Variants in RPA1 observed in about 807,000 individuals in gnomAD.
The protein encoded by RPA1 is replication protein A 70 kDa DNA-binding subunit.
A neutral mutation model predicts 83.0 loss-of-function variants in RPA1; 49 were observed. That is an observed-to-expected ratio of 0.59 (90% CI 0.47 to 0.75). The LOEUF (loss-of-function observed/expected upper bound fraction) is 0.75, where lower values mean the gene tolerates loss of function less well. Among genes scored for constraint, RPA1 ranks in the 30% least tolerant of loss-of-function variants. RPA1 has a pLI of 0.00. For missense variants in RPA1, 693 were observed against 776.1 expected, an observed-to-expected ratio of 0.89 and a Z score of 1.27; for synonymous variants, 279 against 281.8, an observed-to-expected ratio of 0.99 and a Z score of 0.10.
intron 13 of RPA1, among the ~76,000 whole-genome samples, chr17:1,888,269 G>T (rs989375102): frequency 3.9e-5 from 6 of 152,192 alleles, no homozygotes; most frequent in Non-Finnish European, 8.8e-5. Context: ...TTGCTGCACT[G>T]GGTGTTTGTG....
intron 8 of RPA1, 34 bp from the exon 9 acceptor site, chr17:1,878,959 C>T (rs377629138): frequency 7.4e-6 from 12 of 1,611,852 alleles, no homozygotes; most frequent in African/African-American, 1.3e-5. Context: ...TGTGTTCAAT[C>T]CCGCAGCCCT....
At chr17:1,832,939 T>C (rs979378454) in intron 1 of RPA1, among the ~76,000 whole-genome samples, 1 of 151,684 alleles carries the variant, frequency 6.6e-6, no homozygotes, top group African/African-American at 2.4e-5. Flanking sequence ...TTTGTTTGTT[T>C]GTTTTGAGAC....
At chr17:1,878,920 C>T in intron 8 of RPA1, 73 bp from the exon 9 acceptor site, 1 of 1,464,238 alleles carries the variant, frequency 6.8e-7, no homozygotes, top group Non-Finnish European at 9.6e-7. Context: ...TGTGTTCTAT[C>T]CCAGTGTCAC....
At chr17:1,836,104 C>A (rs540220999) in intron 1 of RPA1, among the ~76,000 whole-genome samples, 1 of 136,978 alleles carries the variant, frequency 7.3e-6, no homozygotes, top group African/African-American at 2.5e-5. Context: ...TAGTAAATTG[C>A]ACCTTTTTTA....
Position 1,879,660 on chromosome 17 carries a change from A to G in RPA1, c.1053A>G (p.Thr351=). ...AGAGGAATATCTACTTGATGGACACATCCGGGAAGGTGGTGACTGCTACAC... is the reference window on the plus strand; with the variant it reads ...AGAGGAATATCTACTTGATGGACACGTCCGGGAAGGTGGTGACTGCTACAC... ...VAKRNIYLMD[T]SGKVVTATLW... The change falls in exon 11 of 17, where the codon ACA becomes ACG. Residue 351 remains threonine, a synonymous_variant. Coordinates refer to ENST00000254719, the MANE Select transcript of RPA1 (RefSeq NM_002945.5). The G allele has an allele frequency of 6.2e-7, 1 of 1,614,246 alleles. No homozygotes were observed. Among genetic ancestry groups the G allele is most frequent in the Non-Finnish European group, 8.5e-7 (1 of 1,180,040 alleles).
At chr17:1,875,547 T>G (rs528172461) in intron 6 of RPA1, 114 bp from the exon 7 acceptor site, 73 of 1,119,000 alleles carry the variant, frequency 6.5e-5, no homozygotes, top group Non-Finnish European at 8.8e-5. Context: ...TTGCCTCTCA[T>G]GTTATATGAT....
intron 5 of RPA1, among the ~76,000 whole-genome samples, chr17:1,859,873 C>T (rs1009339062): frequency 1.3e-4 from 20 of 152,156 alleles, no homozygotes; most frequent in East Asian, 3.8e-4. Context: ...AGTGCAGTGG[C>T]GTGATCTCGG....
chr17:1,887,725 T>TA (rs1005556218), intron 13 of RPA1, among the ~76,000 whole-genome samples: 1 of 148,704 alleles, frequency 6.7e-6, no homozygotes, highest in Non-Finnish European at 1.5e-5. Flanking sequence ...CCATCTCTAC[T>TA]AAAAAATACA....
In RPA1 at chr17:1,897,190, A is replaced by G. The variant is rs572705607; in HGVS notation, c.*15A>G. The G allele has an allele frequency of 4.6e-6, 7 of 1,536,364 alleles. No individual in the cohort carries two copies. The highest frequency in any genetic ancestry group is 1.4e-5 in the African/African-American group (1 of 72,740). The stretch of plus-strand genomic sequence containing the variant: ...CATTGATGTGAGAGGAGCAGTGCCA[A>G]TCGGGCAGAAGTTTGCAAATAGGCA... On this transcript the variant is annotated 3_prime_UTR_variant, in exon 17 of 17. Transcript: ENST00000254719.
intron 5 of RPA1, among the ~76,000 whole-genome samples, chr17:1,863,011 C>G (rs35280929): frequency 0.37 from 56,134 of 151,202 alleles, 12,724 homozygotes; most frequent in Non-Finnish European, 0.53. Context: ...AGCCACCGTG[C>G]CCGGCCAAGA....
In RPA1 at chr17:1,844,144, A is replaced by T. The variant is rs2151271466; in HGVS notation, c.163+146A>T. 3 of 651,008 alleles carry T rather than the reference A, an allele frequency of 4.6e-6. No homozygotes were observed. In the South Asian group the frequency reaches 5.8e-5, roughly 13 times the overall value. 40.3% of individuals were successfully genotyped at this position (651,008 alleles called of 1,614,324 possible). On this transcript the variant is annotated intron_variant, in intron 3 of 16. Transcript: ENST00000254719. ...TCATTCAGACAGAATTGCAGCTGTC[A>T]GAGAGCATTCTAACAATAGACTGGA...
At chr17:1,839,163 C>T (rs1911943271) in intron 1 of RPA1, among the ~76,000 whole-genome samples, 1 of 151,400 alleles carries the variant, frequency 6.6e-6, no homozygotes. Flanking sequence ...GCCCCTTAGT[C>T]ACTTTATATA....
At chr17:1,848,637 T>A (rs1175870762) in intron 4 of RPA1, among the ~76,000 whole-genome samples, 1 of 136,186 alleles carries the variant, frequency 7.3e-6, no homozygotes, top group African/African-American at 2.7e-5. Flanking sequence ...CCATCTCGGC[T>A]CACTACAACC....
chr17:1,888,627 T>TG (rs1914084046), intron 13 of RPA1, 48 bp from the exon 14 acceptor site: 1 of 1,569,818 alleles, frequency 6.4e-7, no homozygotes, highest in South Asian at 1.2e-5. Flanking sequence ...GGTCCGATCC[T>TG]GGGCGGGCTC....
intron 16 of RPA1, among the ~76,000 whole-genome samples, chr17:1,896,543 A>G (rs1204667540): frequency 6.6e-6 from 1 of 150,716 alleles, no homozygotes; most frequent in East Asian, 1.9e-4. Context: ...GCTGGGGGGG[A>G]TTTTTGGGGC....
In RPA1 at chr17:1,830,081, T is replaced by C; in HGVS notation, c.-13T>C. Reference sequence around the variant, plus strand: ...TGTTGCGGGGTCCGCGGGGAAGTCTTGGCGGTGGAGCCATGGTCGGCCAAC... The same window carrying C: ...TGTTGCGGGGTCCGCGGGGAAGTCTCGGCGGTGGAGCCATGGTCGGCCAAC... On this transcript the variant is annotated 5_prime_UTR_variant, in exon 1 of 17. Coordinates refer to ENST00000254719, the MANE Select transcript of RPA1 (RefSeq NM_002945.5). The C allele has an allele frequency of 8.0e-7, 1 of 1,250,054 alleles. No individual in the cohort carries two copies. Among genetic ancestry groups the C allele is most frequent in the South Asian group, 4.1e-5 (1 of 24,494 alleles). The allele number at this position is 1,250,054 out of a possible 1,614,324, so 77.4% of individuals were successfully genotyped here.
At chr17:1,846,087 G>T (rs1401092349) in intron 4 of RPA1, among the ~76,000 whole-genome samples, 2 of 152,160 alleles carry the variant, frequency 1.3e-5, no homozygotes, top group Admixed American at 6.5e-5. Flanking sequence ...TTATCTCTGT[G>T]TTGGTTGGAT....
At chr17:1,858,708 G>T (rs1430710392) in intron 5 of RPA1, among the ~76,000 whole-genome samples, 2 of 151,650 alleles carry the variant, frequency 1.3e-5, no homozygotes, top group Non-Finnish European at 2.9e-5. Flanking sequence ...CAAGTGATCT[G>T]CGTGCCTCAG....
intron 1 of RPA1, among the ~76,000 whole-genome samples, chr17:1,834,047 G>C (rs2033104978): frequency 6.6e-6 from 1 of 152,126 alleles, no homozygotes; most frequent in South Asian, 2.1e-4. Context: ...GGGTGTGTTG[G>C]CGTGTGCCTG....
Sources: gnomAD v4.1 joint callset for allele counts (sites outside exome capture counted in the v4.1 genomes callset) on GRCh38, gnomAD v4.1.1 for gene constraint, MANE v1.5 for transcripts, NCBI Gene and HGNC (gene_info 2026-07-23, HGNC 2026-07-21) for gene names.